PKHD1: variants seen among roughly 807,000 people sequenced by gnomAD.
PKHD1 encodes the protein PKHD1 ciliary IPT domain containing fibrocystin/polyductin.
PKHD1 carries 291 observed loss-of-function variants against 412.0 expected under a neutral mutation model. The ratio of observed to expected loss-of-function variants is 0.71; its 90% confidence interval spans 0.64 to 0.78. The LOEUF is 0.78. PKHD1 is among the 30% of genes least tolerant of loss of function. The pLI is 0.00. For missense variants in PKHD1, 4,825 were observed against 4,950.7 expected, an observed-to-expected ratio of 0.97 and a Z score of 0.76; for synonymous variants, 1,777 against 1,821.5, an observed-to-expected ratio of 0.98 and a Z score of 0.62.
chr6:51,654,900 T>A (rs577678544), intron 61 of PKHD1, among the ~76,000 whole-genome samples: 1 of 152,246 alleles, frequency 6.6e-6, no homozygotes, highest in East Asian at 1.9e-4. Context: ...TTATGCAATC[T>A]TTGTCTTTTT....
chr6:51,894,468 T>G (rs2127581558), intron 43 of PKHD1, among the ~76,000 whole-genome samples: 1 of 152,338 alleles, frequency 6.6e-6, no homozygotes, highest in East Asian at 1.9e-4. Context: ...ATATCATATT[T>G]GAAATTTACT....
chr6:51,802,769 C>A (rs919695958), intron 52 of PKHD1, among the ~76,000 whole-genome samples: 5 of 151,088 alleles, frequency 3.3e-5, no homozygotes, highest in Admixed American at 1.3e-4. Flanking sequence ...CCCATCAGGT[C>A]TTTTTTGAAA....
chr6:51,699,287 T>A (rs1779144927), intron 60 of PKHD1, among the ~76,000 whole-genome samples: 1 of 152,184 alleles, frequency 6.6e-6, no homozygotes, highest in South Asian at 2.1e-4. Flanking sequence ...CTTTTTACTG[T>A]CTCTATAGTT....
At chr6:51,702,399 G>C (rs2150711097) in intron 60 of PKHD1, among the ~76,000 whole-genome samples, 1 of 151,676 alleles carries the variant, frequency 6.6e-6, no homozygotes, top group South Asian at 2.1e-4. Flanking sequence ...AAAGGCGTAA[G>C]AATTAAACAG....
intron 46 of PKHD1, among the ~76,000 whole-genome samples, chr6:51,881,669 T>G (rs748060553): frequency 2.0e-5 from 3 of 152,192 alleles, no homozygotes; most frequent in Non-Finnish European, 4.4e-5. Flanking sequence ...TGGTCCTAGC[T>G]CCACAATACT....
rs1333126139 is a variant in PKHD1, at chr6:51,950,220, A to AATATAT, written c.5908+9644_5908+9649dup. 3.0e-3 allele frequency among the ~76,000 whole-genome samples: 291 copies of AATATAT among 98,272 alleles called. 5 individuals carry two copies. The South Asian group carries it at 0.03, about 10-fold the overall frequency. 64.5% of individuals were successfully genotyped at this position (98,272 alleles called of 152,430 possible). A position where few individuals can be genotyped will look rare whatever the true frequency, so the allele number is the denominator to read the frequency against. ...AATGGGCAATATAGAGAAAAAAAAA[A>AATATAT]ATATATATATATATATATATGAAAT... On this transcript the variant is annotated intron_variant, in intron 36 of 66. Coordinates refer to ENST00000371117, the MANE Select transcript of PKHD1 (RefSeq NM_138694.4).
At chr6:52,050,385 G>A in intron 21 of PKHD1, 90 bp from the exon 22 acceptor site, 2 of 1,281,748 alleles carry the variant, frequency 1.6e-6, no homozygotes, top group Non-Finnish European at 2.3e-6. Context: ...GAGTTACTCA[G>A]ATCTCAGTAC....
intron 27 of PKHD1, among the ~76,000 whole-genome samples, chr6:52,037,263 G>A (rs1484670617): frequency 3.9e-5 from 6 of 151,946 alleles, no homozygotes; most frequent in Non-Finnish European, 8.8e-5. Context: ...TAAAAAGAAA[G>A]TTTTTTGACT....
chr6:52,053,041 A>G (rs968968459), intron 21 of PKHD1, 35 bp downstream of exon 21: 8 of 1,604,986 alleles, frequency 5.0e-6, no homozygotes, highest in Non-Finnish European at 6.8e-6. Flanking sequence ...TAGGCATGTG[A>G]CCGGCTTGTG....
chr6:51,785,384 C>T (rs1036164229), intron 53 of PKHD1, among the ~76,000 whole-genome samples: 1 of 152,090 alleles, frequency 6.6e-6, no homozygotes, highest in Non-Finnish European at 1.5e-5. Flanking sequence ...ACACCTCAGG[C>T]TATATACTAA....
intron 53 of PKHD1, among the ~76,000 whole-genome samples, chr6:51,778,582 G>C (rs1791448067): frequency 6.6e-6 from 1 of 152,016 alleles, no homozygotes; most frequent in Admixed American, 6.6e-5. Context: ...GGCAGTGAAG[G>C]GGAAACAATG....
At chr6:52,049,183 C>A (rs1397152643) in intron 22 of PKHD1, among the ~76,000 whole-genome samples, 1 of 152,176 alleles carries the variant, frequency 6.6e-6, no homozygotes, top group Non-Finnish European at 1.5e-5. Flanking sequence ...TTACACAAAC[C>A]TAGATGGTAC....
At chr6:52,002,058 A>T (rs1188938944) in intron 35 of PKHD1, among the ~76,000 whole-genome samples, 7 of 152,234 alleles carry the variant, frequency 4.6e-5, no homozygotes, top group Non-Finnish European at 1.0e-4. Context: ...ACAAGGTAGG[A>T]ATTAACAGAC....
chr6:51,683,913 CTTCTCT>C (rs377055963), intron 60 of PKHD1, among the ~76,000 whole-genome samples: 3 of 152,132 alleles, frequency 2.0e-5, no homozygotes, highest in African/African-American at 7.2e-5. Context: ...ACAAATTCTC[CTTCTCT>C]TTTAGAGACA....
At chr6:51,881,419 T>C (rs1253155112) in intron 46 of PKHD1, among the ~76,000 whole-genome samples, 1 of 152,188 alleles carries the variant, frequency 6.6e-6, no homozygotes, top group Non-Finnish European at 1.5e-5. Context: ...AATGCTTATG[T>C]TGTACATTAC....
intron 33 of PKHD1, among the ~76,000 whole-genome samples, chr6:52,018,744 A>C (rs922497753): frequency 1.3e-5 from 2 of 152,036 alleles, no homozygotes; most frequent in African/African-American, 4.8e-5. Context: ...TGAATTCCTG[A>C]GCTCTGGCAA....
chr6:51,694,284 T>C (rs1778518221), intron 60 of PKHD1, among the ~76,000 whole-genome samples: 1 of 152,062 alleles, frequency 6.6e-6, no homozygotes, highest in East Asian at 1.9e-4. Context: ...CTGATCTTTT[T>C]CACAAGCCAC....
intron 52 of PKHD1, among the ~76,000 whole-genome samples, chr6:51,824,935 G>A (rs745460478): frequency 5.9e-5 from 9 of 152,138 alleles, no homozygotes; most frequent in Admixed American, 1.3e-4. Context: ...TTCAGGCAGA[G>A]AAGAGGTGGT....
intron 6 of PKHD1, among the ~76,000 whole-genome samples, chr6:52,074,877 A>G (rs1011253673): frequency 2.0e-5 from 3 of 152,202 alleles, no homozygotes; most frequent in African/African-American, 7.2e-5. Flanking sequence ...ACTCCAACCC[A>G]GCCCGCCACC....
Sources: gnomAD v4.1 joint callset for allele counts (sites outside exome capture counted in the v4.1 genomes callset) on GRCh38, gnomAD v4.1.1 for gene constraint, MANE v1.5 for transcripts, NCBI Gene and HGNC (gene_info 2026-07-23, HGNC 2026-07-21) for gene names.